SLC24A2: variants seen among roughly 807,000 people sequenced by gnomAD.
SLC24A2 encodes the protein sodium/potassium/calcium exchanger 2.
In SLC24A2, 36 loss-of-function variants were observed where a neutral mutation model predicts 62.0. That is an observed-to-expected ratio of 0.58 (90% CI 0.44 to 0.77). The LOEUF (loss-of-function observed/expected upper bound fraction) is 0.77. Ranked by LOEUF, SLC24A2 falls within the 30% of genes least tolerant of loss-of-function variation. SLC24A2 has a pLI of 0.00. For missense variants in SLC24A2, 846 were observed against 817.9 expected (o/e 1.03, Z -0.42); for synonymous variants, 358 against 294.0 (o/e 1.22, Z -2.23).
the SLC24A2 span, among the ~76,000 whole-genome samples, chr9:20,141,026 A>C: frequency 1.1e-4 from 17 of 152,232 alleles, no homozygotes; most frequent in East Asian, 9.7e-4. Flanking sequence ...TCCTCCTCAG[A>C]AGATTTCTGT....
the SLC24A2 span, among the ~76,000 whole-genome samples, chr9:20,192,155 A>G: frequency 1.3e-5 from 2 of 152,170 alleles, no homozygotes; most frequent in Admixed American, 1.3e-4. Flanking sequence ...TGAAGATGGG[A>G]AAGGTCTATG....
chr9:20,039,811 G>A, the SLC24A2 span, among the ~76,000 whole-genome samples: 6 of 152,182 alleles, frequency 3.9e-5, no homozygotes, highest in Admixed American at 3.9e-4. Flanking sequence ...TGGAACTGTA[G>A]GGAAGAGATA....
At chr9:20,216,107 T>C in the SLC24A2 span, among the ~76,000 whole-genome samples, 1 of 152,196 alleles carries the variant, frequency 6.6e-6, no homozygotes, top group African/African-American at 2.4e-5. Flanking sequence ...AAGAGGGTTT[T>C]TTTCTCCTTC....
At chr9:20,204,842 C>T in the SLC24A2 span, among the ~76,000 whole-genome samples, 3 of 150,104 alleles carry the variant, frequency 2.0e-5, no homozygotes, top group Non-Finnish European at 2.9e-5. Context: ...CTCCCAGGTT[C>T]ACTCCATTCT....
chr9:19,569,662 T>A (rs1026319831), intron 7 of SLC24A2, among the ~76,000 whole-genome samples: 1 of 152,148 alleles, frequency 6.6e-6, no homozygotes, highest in African/African-American at 2.4e-5. Context: ...GCGCCAGGGA[T>A]CTTTTACAAG....
intron 2 of SLC24A2, among the ~76,000 whole-genome samples, chr9:19,637,257 T>C (rs1323599725): frequency 1.3e-5 from 2 of 152,216 alleles, no homozygotes; most frequent in African/African-American, 4.8e-5. Flanking sequence ...AGGAAAAAGA[T>C]CTGAATGTCA....
chr9:20,215,096 C>T, the SLC24A2 span, among the ~76,000 whole-genome samples: 1 of 152,178 alleles, frequency 6.6e-6, no homozygotes, highest in Non-Finnish European at 1.5e-5. Context: ...AGTCCAAGAT[C>T]AAGGCGTTGG....
the SLC24A2 span, among the ~76,000 whole-genome samples, chr9:19,870,961 C>A: frequency 9.2e-5 from 14 of 152,016 alleles, no homozygotes; most frequent in East Asian, 2.7e-3. Flanking sequence ...TCTGGGTTGT[C>A]TTTTGACTTT....
the SLC24A2 span, among the ~76,000 whole-genome samples, chr9:20,028,225 G>T: frequency 6.6e-6 from 1 of 152,128 alleles, no homozygotes; most frequent in Non-Finnish European, 1.5e-5. Context: ...GATAGACTTT[G>T]GGGTACAGCC....
chr9:19,781,034 A>G (rs528982480), intron 2 of SLC24A2, among the ~76,000 whole-genome samples: 38 of 152,310 alleles, frequency 2.5e-4, no homozygotes, highest in African/African-American at 9.1e-4. Context: ...AAAGAATCCA[A>G]ATGTTACAGT....
At chr9:20,048,172 C>T in the SLC24A2 span, among the ~76,000 whole-genome samples, 11 of 152,264 alleles carry the variant, frequency 7.2e-5, no homozygotes, top group Admixed American at 5.9e-4. Flanking sequence ...AAATACAGTC[C>T]CCTTAGTACT....
At chr9:20,231,769 A>G in the SLC24A2 span, among the ~76,000 whole-genome samples, 1 of 152,038 alleles carries the variant, frequency 6.6e-6, no homozygotes, top group African/African-American at 2.4e-5. Context: ...TTCCAAAACT[A>G]TGTTGAACAG....
chr9:20,129,553 A>G, the SLC24A2 span, among the ~76,000 whole-genome samples: 2 of 152,146 alleles, frequency 1.3e-5, no homozygotes, highest in Admixed American at 1.3e-4. Flanking sequence ...ATGAACAGAT[A>G]AACAAATTAT....
At chr9:19,973,989 A>T in the SLC24A2 span, among the ~76,000 whole-genome samples, 149 of 152,292 alleles carry the variant, frequency 9.8e-4, 1 homozygote, top group Middle Eastern at 6.8e-3. Context: ...GTTTCATTAA[A>T]TTTGTGATCT....
the SLC24A2 span, among the ~76,000 whole-genome samples, chr9:19,851,005 A>ATATATATTTTTTTTTTTTTTTTTT: frequency 2.8e-5 from 1 of 35,850 alleles, no homozygotes; most frequent in African/African-American, 9.1e-5. Context: ...ATATATACAC[A>ATATATATTTTTTTTTTTTTTTTTT]TACATATATA....
At chr9:20,073,456 C>T in the SLC24A2 span, among the ~76,000 whole-genome samples, 2,744 of 152,168 alleles carry the variant, frequency 0.018, 75 homozygotes, top group African/African-American at 0.063. Flanking sequence ...ATAACCTAAT[C>T]ACAGATATCC....
the SLC24A2 span, among the ~76,000 whole-genome samples, chr9:19,824,561 C>T: frequency 2.1e-4 from 32 of 152,246 alleles, no homozygotes; most frequent in East Asian, 5.0e-3. Context: ...AATGCTTTTA[C>T]GCTGTTAGTG....
chr9:20,172,377 A>G, the SLC24A2 span, among the ~76,000 whole-genome samples: 2 of 152,090 alleles, frequency 1.3e-5, no homozygotes, highest in Non-Finnish European at 2.9e-5. Flanking sequence ...ATTGAAACAA[A>G]CAAAAACAAT....
intron 4 of SLC24A2, among the ~76,000 whole-genome samples, chr9:19,618,732 T>C (rs1443720164): frequency 2.6e-5 from 4 of 152,222 alleles, no homozygotes; most frequent in South Asian, 2.1e-4. Context: ...GGCACGTATC[T>C]ATTTCCTAGG....
Sources: allele counts gnomAD v4.1 joint callset (sites outside exome capture counted in the v4.1 genomes callset), GRCh38; gene constraint gnomAD v4.1.1; transcripts MANE v1.5; gene names NCBI Gene and HGNC (gene_info 2026-07-23, HGNC 2026-07-21).